The following KRT8 variants were observed in gnomAD, a reference collection of about 807,000 sequenced individuals.
KRT8 encodes the protein keratin, type II cytoskeletal 8.
Under a neutral mutation model 43.0 loss-of-function variants are expected in KRT8, and 24 were observed. The observed-to-expected ratio is 0.56, with a 90% CI of 0.40 to 0.78. KRT8 has a LOEUF of 0.78. Among genes scored for constraint, KRT8 ranks in the 30% least tolerant of loss-of-function variants. The pLI, the probability that KRT8 is intolerant of heterozygous loss-of-function variation, is 0.00. For missense variants in KRT8, 492 were observed against 638.4 expected, an observed-to-expected ratio of 0.77 and a Z score of 2.47; for synonymous variants, 214 against 261.2, an observed-to-expected ratio of 0.82 and a Z score of 1.74.
In KRT8 at chr12:52,899,029, T is replaced by C. The variant is rs548605229; in HGVS notation, c.982-130A>G. On this transcript the variant is annotated intron_variant, in intron 5 of 7. Coordinates refer to ENST00000692008, the Ensembl canonical transcript of KRT8. Reference sequence around the variant, plus strand: ...CCCCCCAGCTCAAATTAAATGAGACTAAGGGCCGGGCACAGTGGCTCATGC... The same window carrying C: ...CCCCCCAGCTCAAATTAAATGAGACCAAGGGCCGGGCACAGTGGCTCATGC... 7.4e-6 allele frequency: 6 copies of C among 815,478 alleles called. No individual in the cohort carries two copies. In the East Asian group the frequency reaches 1.6e-4, roughly 22 times the overall value. The allele number at this position is 815,478 out of a possible 1,614,324, so 50.5% of individuals were successfully genotyped here.
At chr12:52,930,331 C>T (rs1187934982) in intron 2 of KRT8, among the ~76,000 whole-genome samples, 2 of 152,264 alleles carry the variant, frequency 1.3e-5, no homozygotes, top group East Asian at 3.9e-4. Context: ...GATTCTGCTG[C>T]CTCACCCTCC....
At chr12:52,921,078 G>GGATGGT (rs1453511627) in intron 2 of KRT8, among the ~76,000 whole-genome samples, 1 of 152,180 alleles carries the variant, frequency 6.6e-6, no homozygotes, top group Non-Finnish European at 1.5e-5. Context: ...CTGTTGACCT[G>GGATGGT]GATGGTGGGA....
At chr12:52,938,640 C>T (rs1423387819) in intron 2 of KRT8, among the ~76,000 whole-genome samples, 4 of 146,998 alleles carry the variant, frequency 2.7e-5, no homozygotes, top group South Asian at 2.2e-4. Flanking sequence ...TTTTTTGAGA[C>T]GGAGTCTCGC....
chr12:52,935,398 A>AGAAAAAG (rs1212139507), intron 2 of KRT8, among the ~76,000 whole-genome samples: 1 of 145,624 alleles, frequency 6.9e-6, no homozygotes, highest in African/African-American at 2.5e-5. Flanking sequence ...AAAAAAAAAA[A>AGAAAAAG]AAAAAAAAAA....
chr12:52,949,527 G>C (rs749637522), exon 2 of KRT8: 3 of 1,613,744 alleles, frequency 1.9e-6, no homozygotes, highest in Non-Finnish European at 2.5e-6. Context: ...ACTTGGAGAA[G>C]AAGGGACCCC....
chr12:52,911,332 A>G (rs1044991953), upstream of KRT8, among the ~76,000 whole-genome samples: 1 of 150,226 alleles, frequency 6.7e-6, no homozygotes, highest in African/African-American at 2.5e-5. Flanking sequence ...AGCCTGGGTG[A>G]CAGAGTGAGA....
intron 2 of KRT8, among the ~76,000 whole-genome samples, chr12:52,946,029 C>T (rs1349540032): frequency 5.3e-5 from 8 of 152,090 alleles, no homozygotes; most frequent in Non-Finnish European, 8.8e-5. Flanking sequence ...GCTGGAAGCC[C>T]GAGGTCGGTA....
chr12:52,898,878 T>C (rs1941288425), exon 6 of KRT8: 1 of 1,612,978 alleles, frequency 6.2e-7, no homozygotes, highest in Non-Finnish European at 8.5e-7. Flanking sequence ...GCATCTGCAA[T>C]GGCGGCCTCC....
At chr12:52,938,166 A>AT (rs1297253183) in intron 2 of KRT8, among the ~76,000 whole-genome samples, 12 of 37,040 alleles carry the variant, frequency 3.2e-4, no homozygotes, top group African/African-American at 1.9e-3. Context: ...ATATATATAT[A>AT]TATATTTTTT....
intron 2 of KRT8, among the ~76,000 whole-genome samples, chr12:52,929,188 CT>C (rs59896088): frequency 0.49 from 65,337 of 132,546 alleles, 15,986 homozygotes; most frequent in South Asian, 0.61. Flanking sequence ...TCCTTCCTTT[CT>C]TTTTTTTTTT....
intron 2 of KRT8, chr12:52,948,303 CTA>C (rs1232541535): frequency 6.6e-6 from 1 of 152,036 alleles, no homozygotes; most frequent in Non-Finnish European, 1.5e-5. Context: ...AAGCAAGCAG[CTA>C]TGAGGCTGGG....
chr12:52,903,923 G>A (rs1219418135), intron 1 of KRT8, among the ~76,000 whole-genome samples: 1 of 146,952 alleles, frequency 6.8e-6, no homozygotes, highest in Non-Finnish European at 1.5e-5. Context: ...AGGTGGAGGA[G>A]AGCGTCCCGA....
chr12:52,932,053 T>C (rs1009187975), intron 2 of KRT8, among the ~76,000 whole-genome samples: 2 of 151,960 alleles, frequency 1.3e-5, no homozygotes, highest in Admixed American at 1.3e-4. Context: ...CGCCTCTGCT[T>C]CCCAAATTGT....
At chr12:52,907,073 T>G (rs61927893), upstream of KRT8, 6 of 235,976 alleles carry the variant, frequency 2.5e-5, no homozygotes, top group Non-Finnish European at 5.1e-5. Context: ...GCACAGTGAG[T>G]GGCTCCTTCA....
chr12:52,942,033 T>TA (rs915258821), intron 2 of KRT8, among the ~76,000 whole-genome samples: 2 of 152,192 alleles, frequency 1.3e-5, no homozygotes, highest in Non-Finnish European at 2.9e-5. Flanking sequence ...AATCACACTG[T>TA]ATTTTGTTTG....
intron 2 of KRT8, among the ~76,000 whole-genome samples, chr12:52,938,048 T>C (rs566670977): frequency 7.2e-4 from 95 of 131,740 alleles, no homozygotes; most frequent in African/African-American, 2.6e-3. Context: ...AGATGGTAAA[T>C]AAGCACATGA....
At chr12:52,901,482 C>T in intron 2 of KRT8, 2 of 559,304 alleles carry the variant, frequency 3.6e-6, no homozygotes, top group Non-Finnish European at 3.2e-6. Flanking sequence ...CAGGGCCTGA[C>T]ATGAGACCTC....
intron 2 of KRT8, among the ~76,000 whole-genome samples, chr12:52,945,796 G>T (rs1178587512): frequency 6.6e-6 from 1 of 152,028 alleles, no homozygotes; most frequent in Non-Finnish European, 1.5e-5. Context: ...TCTGTTCTGG[G>T]AGCTTCTCAC....
chr12:52,917,708 C>CAAA lies in KRT8; in HGVS notation c.-46-12684_-46-12682dup, dbSNP rs535303270. ...TGGGTGATAGGGCGAGACTCTGTCT[C>CAAA]AAAAAAAAAAAAAAAAAAAAATTCG... On this transcript the variant is annotated intron_variant, in intron 2 of 6. Coordinates refer to the KRT8 transcript ENST00000546826. Among the ~76,000 whole-genome samples the CAAA allele has an allele frequency of 9.4e-4, 28 of 29,902 alleles. 1 individual carries two copies. The South Asian group carries it at 0.021, about 22-fold the overall frequency. 19.6% of individuals were successfully genotyped at this position (29,902 alleles called of 152,430 possible).
Sources: allele counts gnomAD v4.1 joint callset (sites outside exome capture counted in the v4.1 genomes callset), GRCh38; gene constraint gnomAD v4.1.1; transcripts MANE v1.5; gene names NCBI Gene and HGNC (gene_info 2026-07-23, HGNC 2026-07-21).